Variants in RBFOX1 observed in about 807,000 individuals in gnomAD.
RBFOX1 encodes RNA binding fox-1 homolog 1, also known as RNA binding protein fox-1 homolog 1.
In RBFOX1, 8 loss-of-function variants were observed where a neutral mutation model predicts 57.7. The observed-to-expected ratio is 0.14, with a 90% CI of 0.08 to 0.25. The LOEUF (loss-of-function observed/expected upper bound fraction) is 0.25, where lower values mean the gene tolerates loss of function less well. Ranked by LOEUF, RBFOX1 falls within the 10% of genes least tolerant of loss-of-function variation. The probability of loss-of-function intolerance (pLI) is 1.00; values close to 1 mark genes in which losing one functional copy is unlikely to be tolerated. For missense variants in RBFOX1, 611 were observed against 548.5 expected (o/e 1.11, Z -1.14); for synonymous variants, 326 against 222.4 (o/e 1.47, Z -4.15).
At chr16:5,935,099 T>A (rs906172028) in intron 4 of RBFOX1, among the ~76,000 whole-genome samples, 1 of 152,258 alleles carries the variant, frequency 6.6e-6, no homozygotes, top group African/African-American at 2.4e-5. Context: ...ACTCTTTTAC[T>A]GAAGCTTTGC....
chr16:5,513,819 G>T (rs140377461), intron 2 of RBFOX1, among the ~76,000 whole-genome samples: 315 of 152,186 alleles, frequency 2.1e-3, no homozygotes, highest in African/African-American at 6.8e-3. Flanking sequence ...GAATAAATGT[G>T]ATCATCAGGG....
chr16:6,352,138 A>C (rs2086521240), intron 2 of RBFOX1, among the ~76,000 whole-genome samples: 1 of 152,190 alleles, frequency 6.6e-6, no homozygotes, highest in South Asian at 2.1e-4. Flanking sequence ...TTATATAATA[A>C]AAAGCAACCA....
chr16:5,813,570 T>C (rs1055389675), intron 3 of RBFOX1, among the ~76,000 whole-genome samples: 63 of 152,212 alleles, frequency 4.1e-4, no homozygotes, highest in African/African-American at 1.5e-3. Context: ...AGGTCACATA[T>C]TATAAAATTC....
intron 10 of RBFOX1, among the ~76,000 whole-genome samples, chr16:7,628,944 C>G (rs1386478117): frequency 6.6e-6 from 1 of 152,132 alleles, no homozygotes; most frequent in Non-Finnish European, 1.5e-5. Flanking sequence ...GAAGAAAGAA[C>G]TATTAGTTTA....
intron 3 of RBFOX1, among the ~76,000 whole-genome samples, chr16:6,765,065 C>A (rs886144990): frequency 2.7e-4 from 41 of 151,826 alleles, no homozygotes; most frequent in African/African-American, 9.9e-4. Flanking sequence ...AAGCAGAAAT[C>A]TAAAGTCCTA....
chr16:6,344,039 T>A (rs984568255), intron 2 of RBFOX1, among the ~76,000 whole-genome samples: 15 of 152,062 alleles, frequency 9.9e-5, no homozygotes, highest in African/African-American at 3.6e-4. Context: ...AATCAGTCCT[T>A]CTTCATCTCT....
chr16:5,994,997 A>G (rs898174911), intron 4 of RBFOX1, among the ~76,000 whole-genome samples: 4 of 152,218 alleles, frequency 2.6e-5, no homozygotes, highest in African/African-American at 9.6e-5. Context: ...TAGCTGTGAG[A>G]CAGGAGGAAA....
chr16:7,146,781 C>G (rs1371100397), intron 4 of RBFOX1, among the ~76,000 whole-genome samples: 2 of 151,002 alleles, frequency 1.3e-5, no homozygotes, highest in African/African-American at 2.4e-5. Context: ...AGACCCCCAA[C>G]TCTAGTAAAA....
chr16:5,497,450 C>G (rs1464638640), intron 2 of RBFOX1, among the ~76,000 whole-genome samples: 2 of 151,824 alleles, frequency 1.3e-5, no homozygotes, highest in Non-Finnish European at 2.9e-5. Context: ...CCCAGAGAGA[C>G]AAGAAAGAAG....
intron 3 of RBFOX1, among the ~76,000 whole-genome samples, chr16:6,851,645 G>A (rs1450988549): frequency 6.6e-6 from 1 of 152,136 alleles, no homozygotes; most frequent in African/African-American, 2.4e-5. Context: ...CCTGTTGTCA[G>A]GGAAAGAACA....
At chr16:7,613,381 T>A (rs1016447656) in intron 10 of RBFOX1, among the ~76,000 whole-genome samples, 9 of 152,152 alleles carry the variant, frequency 5.9e-5, no homozygotes, top group Admixed American at 5.2e-4. Flanking sequence ...AATATGAGCA[T>A]CAGAGAACAT....
At chr16:5,634,998 G>T (rs976265823) in intron 3 of RBFOX1, among the ~76,000 whole-genome samples, 1 of 152,168 alleles carries the variant, frequency 6.6e-6, no homozygotes, top group Non-Finnish European at 1.5e-5. Flanking sequence ...GATTGGTCAA[G>T]ACTGGGTCAT....
At chr16:7,549,642 G>T (rs1392078392) in intron 5 of RBFOX1, among the ~76,000 whole-genome samples, 4 of 152,180 alleles carry the variant, frequency 2.6e-5, no homozygotes, top group South Asian at 2.1e-4. Flanking sequence ...CCTGGAGTCT[G>T]TTGTTCAAGG....
intron 2 of RBFOX1, among the ~76,000 whole-genome samples, chr16:5,492,100 C>G (rs764000816): frequency 6.6e-6 from 1 of 152,174 alleles, no homozygotes; most frequent in African/African-American, 2.4e-5. Context: ...CCTACTGAGT[C>G]AGAAACACCA....
chr16:6,144,923 T>C (rs1041400295), intron 1 of RBFOX1, among the ~76,000 whole-genome samples: 1 of 152,218 alleles, frequency 6.6e-6, no homozygotes, highest in Non-Finnish European at 1.5e-5. Flanking sequence ...AGTCTATTTG[T>C]ATTCTGGAAA....
chr16:6,209,501 A>G (rs181145320), intron 1 of RBFOX1, among the ~76,000 whole-genome samples: 68 of 152,380 alleles, frequency 4.5e-4, no homozygotes, highest in Non-Finnish European at 7.5e-4. Context: ...CTCCGGTATC[A>G]GGGGCCAAGG....
At chr16:5,968,210 G>A (rs1304944722) in intron 4 of RBFOX1, among the ~76,000 whole-genome samples, 4 of 152,120 alleles carry the variant, frequency 2.6e-5, no homozygotes, top group Admixed American at 2.0e-4. Flanking sequence ...CAGTAGCTGG[G>A]ATTATGGGCA....
intron 1 of RBFOX1, among the ~76,000 whole-genome samples, chr16:6,215,119 G>A (rs1288510640): frequency 7.7e-6 from 1 of 129,706 alleles, no homozygotes; most frequent in African/African-American, 3.0e-5. Flanking sequence ...AGGAGTAGAG[G>A]GGAAGAGAGA....
chr16:7,696,909 C>T (rs947547711), intron 14 of RBFOX1, among the ~76,000 whole-genome samples: 1 of 152,086 alleles, frequency 6.6e-6, no homozygotes, highest in African/African-American at 2.4e-5. Flanking sequence ...TTGAGACATA[C>T]TTGAGGTGTC....
Sources: gnomAD v4.1 joint callset for allele counts (sites outside exome capture counted in the v4.1 genomes callset) on GRCh38, gnomAD v4.1.1 for gene constraint, MANE v1.5 for transcripts, NCBI Gene and HGNC (gene_info 2026-07-23, HGNC 2026-07-21) for gene names.